DOCK2: variants seen among roughly 807,000 people sequenced by gnomAD.
The protein encoded by DOCK2 is dedicator of cytokinesis protein 2.
DOCK2 carries 87 observed loss-of-function variants against 248.9 expected under a neutral mutation model. The ratio of observed to expected loss-of-function variants is 0.35; its 90% CI spans 0.29 to 0.42. DOCK2 has a LOEUF of 0.42. DOCK2 is among the 10% of genes least tolerant of loss of function. DOCK2 has a pLI of 1.00. For synonymous variants in DOCK2, 805 were observed against 821.6 expected (o/e 0.98, Z 0.35); for missense variants, 1,747 against 2,300.2 (o/e 0.76, Z 4.92).
intron 27 of DOCK2, chr5:169,881,238 G>A (rs1229265188): frequency 1.4e-6 from 1 of 726,452 alleles, no homozygotes; most frequent in South Asian, 1.7e-5. Flanking sequence ...GGAACCAGAT[G>A]TTAACATTTC....
At chr5:169,721,982 G>T (rs1037513677) in intron 22 of DOCK2, among the ~76,000 whole-genome samples, 6 of 152,202 alleles carry the variant, frequency 3.9e-5, no homozygotes, top group Non-Finnish European at 8.8e-5. Context: ...TGGCAGAGCA[G>T]GTTCTAGCTT....
At chr5:169,652,857 T>A (rs1333711928) in intron 1 of DOCK2, among the ~76,000 whole-genome samples, 1 of 152,198 alleles carries the variant, frequency 6.6e-6, no homozygotes, top group East Asian at 1.9e-4. Context: ...CAGTGGCATT[T>A]CACCCAGCTT....
intron 1 of DOCK2, among the ~76,000 whole-genome samples, chr5:169,644,619 C>CT (rs748896053): frequency 0.024 from 3,365 of 140,030 alleles, 44 homozygotes; most frequent in Middle Eastern, 0.048. Context: ...TACCACGGTA[C>CT]TTTTTTTTTT....
chr5:169,838,833 A>G (rs970375465), intron 26 of DOCK2, among the ~76,000 whole-genome samples: 1 of 152,226 alleles, frequency 6.6e-6, no homozygotes, highest in African/African-American at 2.4e-5. Context: ...AGTGAGTCTA[A>G]GGCAGAGAAA....
At chr5:169,940,864 G>A (rs1398503032) in intron 27 of DOCK2, among the ~76,000 whole-genome samples, 4 of 152,354 alleles carry the variant, frequency 2.6e-5, no homozygotes, top group African/African-American at 9.6e-5. Context: ...CATGGTCCAG[G>A]TGTTGGGGAC....
chr5:169,845,097 T>G (rs1770226289), intron 27 of DOCK2, among the ~76,000 whole-genome samples: 1 of 150,800 alleles, frequency 6.6e-6, no homozygotes, highest in African/African-American at 2.4e-5. Context: ...CATTGCCAGG[T>G]CCCTGAAGCC....
chr5:169,943,985 C>A (rs1236529124), intron 27 of DOCK2, among the ~76,000 whole-genome samples: 1 of 152,206 alleles, frequency 6.6e-6, no homozygotes, highest in Non-Finnish European at 1.5e-5. Flanking sequence ...TAAGAGTGGG[C>A]TAATAGCATG....
intron 27 of DOCK2, among the ~76,000 whole-genome samples, chr5:169,901,541 T>C (rs1466973078): frequency 2.0e-5 from 3 of 152,050 alleles, no homozygotes; most frequent in African/African-American, 7.3e-5. Context: ...GGGGCAAAAG[T>C]GGAAGCAGGA....
chr5:170,018,099 A>G (rs1448736726), intron 32 of DOCK2, among the ~76,000 whole-genome samples: 3 of 152,210 alleles, frequency 2.0e-5, no homozygotes, highest in Admixed American at 2.0e-4. Context: ...GATTCGACAT[A>G]TAAAGATATC....
At chr5:169,765,930 A>G (rs1764758918) in intron 25 of DOCK2, among the ~76,000 whole-genome samples, 1 of 152,158 alleles carries the variant, frequency 6.6e-6, no homozygotes, top group African/African-American at 2.4e-5. Context: ...CCCCATTCAC[A>G]GTGTACAAGG....
chr5:169,865,949 G>A (rs1771521172), intron 27 of DOCK2, among the ~76,000 whole-genome samples: 1 of 152,228 alleles, frequency 6.6e-6, no homozygotes, highest in South Asian at 2.1e-4. Context: ...TGTTGCCGTT[G>A]CCATGCATGA....
At chr5:169,802,499 G>A (rs1767065191) in intron 25 of DOCK2, among the ~76,000 whole-genome samples, 1 of 152,098 alleles carries the variant, frequency 6.6e-6, no homozygotes, top group South Asian at 2.1e-4. Flanking sequence ...CCATGATAAG[G>A]AGTACTATAA....
At chr5:169,848,446 C>T (rs1309637030) in intron 27 of DOCK2, among the ~76,000 whole-genome samples, 1 of 152,194 alleles carries the variant, frequency 6.6e-6, no homozygotes, top group African/African-American at 2.4e-5. Context: ...AATGTCCAGG[C>T]TTGTTTGTGC....
intron 26 of DOCK2, among the ~76,000 whole-genome samples, chr5:169,820,077 G>A (rs1480883452): frequency 2.0e-5 from 3 of 152,214 alleles, no homozygotes; most frequent in African/African-American, 7.2e-5. Flanking sequence ...TGGTGGAGGG[G>A]CGCCCGCCAT....
At chr5:170,017,800 T>C (rs1755585776) in intron 32 of DOCK2, among the ~76,000 whole-genome samples, 1 of 152,220 alleles carries the variant, frequency 6.6e-6, no homozygotes, top group Non-Finnish European at 1.5e-5. Flanking sequence ...CCAGAGTTGG[T>C]GCCCTTAACC....
chr5:169,741,803 A>ATT (rs33955559), intron 22 of DOCK2, among the ~76,000 whole-genome samples: 212 of 82,396 alleles, frequency 2.6e-3, no homozygotes, highest in African/African-American at 4.6e-3. Context: ...ATCTTTTACT[A>ATT]TTTTTTTTTT....
At chr5:169,685,879 G>T (rs901726601) in intron 8 of DOCK2, among the ~76,000 whole-genome samples, 1 of 152,142 alleles carries the variant, frequency 6.6e-6, no homozygotes, top group Admixed American at 6.5e-5. Context: ...TTATATACAG[G>T]CCCATCTAAC....
In DOCK2 at chr5:170,067,558, A is replaced by G. The variant is rs1202270473; in HGVS notation, c.4516A>G (p.Asn1506Asp). 1.2e-6 allele frequency: 2 copies of G among 1,614,188 alleles called. No individual in the cohort carries two copies. Reference sequence around the variant, plus strand: ...TGCCATAGAAACCATGTCCACGGCCAATGAGAAGATCCTGATGATGATAAA... The same window carrying G: ...TGCCATAGAAACCATGTCCACGGCCGATGAGAAGATCCTGATGATGATAAA... ...ENAIETMSTA[N>D]EKILMMINQY... The change falls in exon 45 of 52, where the codon AAT becomes GAT. Residue 1506 changes from asparagine (N) to aspartate (D), a missense_variant. This residue lies in a region of DOCK2 where 513 missense variants were observed against 586.1 expected (regional missense o/e 0.88). Transcript: ENST00000520908.
At chr5:169,677,232 A>G (rs1051896905) in intron 6 of DOCK2, among the ~76,000 whole-genome samples, 2 of 152,148 alleles carry the variant, frequency 1.3e-5, no homozygotes, top group African/African-American at 4.8e-5. Context: ...CTCTTGTCAA[A>G]CTCCCTAACA....
Sources: allele counts gnomAD v4.1 joint callset (sites outside exome capture counted in the v4.1 genomes callset), GRCh38; gene constraint gnomAD v4.1.1; regional missense constraint gnomAD v4.1.1; transcripts MANE v1.5; gene names NCBI Gene and HGNC (gene_info 2026-07-23, HGNC 2026-07-21).